Variants in ASB5 observed in about 807,000 individuals in gnomAD.
ASB5 encodes the protein ankyrin repeat and SOCS box containing 5, also known as ankyrin repeat and SOCS box protein 5.
ASB5 carries 45 observed loss-of-function variants against 42.1 expected under a neutral mutation model. The observed-to-expected ratio is 1.07, with a 90% CI of 0.84 to 1.37. The LOEUF is 1.37. ASB5 is among the 40% of genes most tolerant of loss of function. The probability of loss-of-function intolerance (pLI) is 0.00; values close to 1 mark genes in which losing one functional copy is unlikely to be tolerated. For missense variants in ASB5, 402 were observed against 399.8 expected (o/e 1.01, Z -0.05); for synonymous variants, 147 against 150.6 (o/e 0.98, Z 0.18).
intron 1 of ASB5, among the ~76,000 whole-genome samples, chr4:176,239,111 A>G (rs7688636): frequency 0.13 from 19,889 of 152,154 alleles, 1,644 homozygotes; most frequent in Admixed American, 0.19. Context: ...GGCTATTTGT[A>G]TGGGTGGCAC....
intron 1 of ASB5, among the ~76,000 whole-genome samples, chr4:176,227,499 T>C (rs1324128036): frequency 6.6e-6 from 1 of 152,186 alleles, no homozygotes; most frequent in Non-Finnish European, 1.5e-5. Flanking sequence ...AATGATAACC[T>C]GATTGCCTAA....
chr4:176,269,118 A>G lies in ASB5; in HGVS notation c.-10T>C. 1 of 1,607,802 alleles carries G rather than the reference A, an allele frequency of 6.2e-7. No individual in the cohort carries two copies. The highest frequency in any genetic ancestry group is 8.5e-7 in the Non-Finnish European group (1 of 1,175,978). On this transcript the variant is annotated 5_prime_UTR_variant, in exon 1 of 7. Coordinates refer to ENST00000296525, the MANE Select transcript of ASB5 (RefSeq NM_080874.4). The stretch of plus-strand genomic sequence containing the variant: ...CTTCTAACACCGACATTGCTGCAGA[A>G]GAATCTGCGGCGGTCTTTAGTTGGA...
At chr4:176,248,650 C>A (rs1753957470) in intron 1 of ASB5, among the ~76,000 whole-genome samples, 2 of 151,880 alleles carry the variant, frequency 1.3e-5, no homozygotes, top group Admixed American at 6.6e-5. Flanking sequence ...ATGGAATTTA[C>A]ATTATTGAGA....
Position 176,214,187 on chromosome 4 carries a change from G to C in ASB5, c.*1413C>G, listed in dbSNP as rs1257427712. ...CAAAATGCAAGCTTAGTGATCTGGG[G>C]GTCACATACAATCATAATTTATTTT... On this transcript the variant is annotated 3_prime_UTR_variant, in exon 7 of 7. Transcript: ENST00000296525. 1 of 151,766 alleles carries C rather than the reference G, an allele frequency of 6.6e-6. No homozygotes were observed. The highest frequency in any genetic ancestry group is 2.4e-5 in the African/African-American group (1 of 41,310). The allele number at this position is 151,766 out of a possible 1,614,324, so 9.4% of individuals were successfully genotyped here.
chr4:176,271,357 C>G (rs1432184336), upstream of ASB5, among the ~76,000 whole-genome samples: 4 of 152,156 alleles, frequency 2.6e-5, no homozygotes, highest in South Asian at 4.1e-4. Flanking sequence ...ATGAACAACT[C>G]TGTTAATACT....
At chr4:176,264,716 A>C (rs1370912016) in intron 1 of ASB5, among the ~76,000 whole-genome samples, 1 of 152,086 alleles carries the variant, frequency 6.6e-6, no homozygotes, top group Non-Finnish European at 1.5e-5. Context: ...CTGTGTGGCT[A>C]ATCAGTCTTC....
At chr4:176,242,466 A>T (rs1390478331) in intron 1 of ASB5, among the ~76,000 whole-genome samples, 4 of 152,100 alleles carry the variant, frequency 2.6e-5, no homozygotes, top group African/African-American at 9.7e-5. Flanking sequence ...TCTCTTCTAA[A>T]CTCAGCTTAG....
At chr4:176,259,742 G>A (rs1212735101) in intron 1 of ASB5, among the ~76,000 whole-genome samples, 2 of 152,188 alleles carry the variant, frequency 1.3e-5, no homozygotes, top group African/African-American at 2.4e-5. Flanking sequence ...GACAGCTGAG[G>A]TGAGCCAGTG....
At chr4:176,268,441 T>A (rs935937769) in intron 1 of ASB5, among the ~76,000 whole-genome samples, 1 of 152,192 alleles carries the variant, frequency 6.6e-6, no homozygotes, top group Non-Finnish European at 1.5e-5. Flanking sequence ...ATTAAAGTTG[T>A]GAGAAACCAA....
chr4:176,217,741 A>C (rs1753013094), intron 5 of ASB5, among the ~76,000 whole-genome samples: 1 of 152,104 alleles, frequency 6.6e-6, no homozygotes, highest in African/African-American at 2.4e-5. Context: ...ATGCATTTGC[A>C]ATAAATAAAT....
chr4:176,248,187 C>T (rs985869666), intron 1 of ASB5, among the ~76,000 whole-genome samples: 10 of 152,148 alleles, frequency 6.6e-5, no homozygotes, highest in Non-Finnish European at 1.3e-4. Context: ...AGTGCAGCGG[C>T]ACGATCATGG....
At chr4:176,245,490 G>A (rs112532602) in intron 1 of ASB5, among the ~76,000 whole-genome samples, 2,068 of 152,252 alleles carry the variant, frequency 0.014, 47 homozygotes, top group African/African-American at 0.047. Flanking sequence ...ACAGTGTGGC[G>A]ATTCCTCAAG....
At chr4:176,241,665 G>C in intron 1 of ASB5, 2 of 1,353,184 alleles carry the variant, frequency 1.5e-6, no homozygotes, top group Non-Finnish European at 1.9e-6. Flanking sequence ...TGTTGGCCTA[G>C]TGATAGTGAG....
At chr4:176,221,128 A>T in intron 5 of ASB5, 27 bp downstream of exon 5, 1 of 1,599,888 alleles carries the variant, frequency 6.3e-7, no homozygotes, top group Non-Finnish European at 8.5e-7. Flanking sequence ...GTATGGACAG[A>T]ATGGAAGATG....
chr4:176,244,248 T>C (rs1188115965), intron 1 of ASB5, among the ~76,000 whole-genome samples: 1 of 152,202 alleles, frequency 6.6e-6, no homozygotes, highest in Non-Finnish European at 1.5e-5. Context: ...AGAGCTAGAA[T>C]AAAATTATAG....
chr4:176,225,234 A>G, intron 2 of ASB5, 28 bp downstream of exon 2: 1 of 1,554,010 alleles, frequency 6.4e-7, no homozygotes, highest in South Asian at 1.1e-5. Flanking sequence ...GAAAGGGGGT[A>G]TATTTTAAAC....
chr4:176,251,036 T>C (rs1233699449), intron 1 of ASB5, among the ~76,000 whole-genome samples: 2 of 152,108 alleles, frequency 1.3e-5, no homozygotes, highest in South Asian at 2.1e-4. Flanking sequence ...CTGTGTTCTC[T>C]AGTCTGAGGA....
At chr4:176,222,231 G>T in intron 3 of ASB5, 82 bp downstream of exon 3, 2 of 1,284,262 alleles carry the variant, frequency 1.6e-6, no homozygotes, top group Non-Finnish European at 1.1e-6. Flanking sequence ...CGAGAATGAA[G>T]GAAAGAAAAG....
intron 1 of ASB5, among the ~76,000 whole-genome samples, chr4:176,226,708 T>A (rs1753389264): frequency 6.6e-6 from 1 of 152,164 alleles, no homozygotes; most frequent in Admixed American, 6.5e-5. Flanking sequence ...ATTGAACCCC[T>A]CCTCTCAATT....
Sources: gnomAD v4.1 joint callset for allele counts (sites outside exome capture counted in the v4.1 genomes callset) on GRCh38, gnomAD v4.1.1 for gene constraint, MANE v1.5 for transcripts, NCBI Gene and HGNC (gene_info 2026-07-23, HGNC 2026-07-21) for gene names.